AGPAT4: variants seen among roughly 807,000 people sequenced by gnomAD.
The protein encoded by AGPAT4 is 1-acyl-sn-glycerol-3-phosphate acyltransferase delta.
In AGPAT4, 15 loss-of-function variants were observed where a neutral mutation model predicts 48.0. The observed-to-expected ratio is 0.31, with a 90% CI of 0.21 to 0.48. The LOEUF (loss-of-function observed/expected upper bound fraction) is 0.48, where lower values mean the gene tolerates loss of function less well. Among genes scored for constraint, AGPAT4 ranks in the 20% least tolerant of loss-of-function variants. The probability of loss-of-function intolerance (pLI) is 0.99; values close to 1 mark genes in which losing one functional copy is unlikely to be tolerated. For synonymous variants in AGPAT4, 178 were observed against 198.7 expected (o/e 0.90, Z 0.88); for missense variants, 314 against 482.5 (o/e 0.65, Z 3.27).
intron 2 of AGPAT4, among the ~76,000 whole-genome samples, chr6:161,170,449 A>G (rs927698230): frequency 6.8e-6 from 1 of 147,024 alleles, no homozygotes; most frequent in African/African-American, 2.6e-5. Flanking sequence ...ATTTATACAC[A>G]TGCGCGTGCA....
chr6:161,155,025 C>T lies in AGPAT4; in HGVS notation c.349-715G>A, dbSNP rs1224901878. ...GAGATGTGCTCGGTGCCCTCCACAC[C>T]CGCTGCCAGCATGTCCTTGAGGCTG... On this transcript the variant is annotated intron_variant, in intron 3 of 8. Transcript: ENST00000320285. This position sits in a 1 kb window ranked among gnomAD's most constrained non-coding sequence, Gnocchi z 5.8. Among the ~76,000 whole-genome samples the T allele has an allele frequency of 6.6e-6, 1 of 152,218 alleles. No homozygotes were observed. The highest frequency in any genetic ancestry group is 2.4e-5 in the African/African-American group (1 of 41,466).
In AGPAT4 at chr6:161,219,884, CA is replaced by C. The variant is rs1178174630; in HGVS notation, c.178+12151del. On this transcript the variant is annotated intron_variant, in intron 2 of 8. Transcript: ENST00000320285. This position sits in a 1 kb window ranked among gnomAD's most constrained non-coding sequence, Gnocchi z 4.9. ...ATAGATAGATAGATAGGCAGGCAGG[CA>C]GGCAGGCAGGCAGGCAGGCAGGCAG... Among the ~76,000 whole-genome samples the C allele has an allele frequency of 1.1e-4, 14 of 124,476 alleles. No individual in the cohort carries two copies. Among genetic ancestry groups the C allele is most frequent in the African/African-American group, 4.3e-4 (14 of 32,370 alleles). 81.7% of individuals were successfully genotyped at this position (124,476 alleles called of 152,430 possible).
chr6:161,163,672 C>T (rs997405186), intron 3 of AGPAT4, among the ~76,000 whole-genome samples: 1 of 152,240 alleles, frequency 6.6e-6, no homozygotes, highest in African/African-American at 2.4e-5. Flanking sequence ...CACCTGCTCT[C>T]TCTAGCTCCT....
At chr6:161,136,714 C>T in intron 8 of AGPAT4, 80 bp from the exon 9 acceptor site, 1 of 1,234,696 alleles carries the variant, frequency 8.1e-7, no homozygotes, top group Non-Finnish European at 1.2e-6. Flanking sequence ...AGTGAGAAGG[C>T]CCGTGGCCGC....
Position 161,129,985 on chromosome 6 carries a change from T to G in AGPAT4, c.*6555A>C, listed in dbSNP as rs1204130710. On this transcript the variant is annotated 3_prime_UTR_variant, in exon 9 of 9. Coordinates refer to ENST00000320285, the MANE Select transcript of AGPAT4 (RefSeq NM_020133.3). This position sits in a 1 kb window ranked among gnomAD's most constrained non-coding sequence, Gnocchi z 4.4. The stretch of plus-strand genomic sequence containing the variant: ...ACGTGCATTTTTCCAAGTTAAAGTT[T>G]CAGTCAGTTTTATTACATCCAGTCC... 6.6e-6 allele frequency: 1 copy of G among 152,208 alleles called. No individual in the cohort carries two copies. The highest frequency in any genetic ancestry group is 1.5e-5 in the Non-Finnish European group (1 of 68,056). The allele number at this position is 152,208 out of a possible 1,614,324, so 9.4% of individuals were successfully genotyped here. A position where few individuals can be genotyped will look rare whatever the true frequency, so the allele number is the denominator to read the frequency against.
intron 3 of AGPAT4, among the ~76,000 whole-genome samples, chr6:161,163,920 T>C (rs1190669415): frequency 6.6e-6 from 1 of 152,120 alleles, no homozygotes. Flanking sequence ...CTAAGCACAG[T>C]CTCCACCATC....
At chr6:161,265,580 A>C (rs1289490185) in intron 1 of AGPAT4, among the ~76,000 whole-genome samples, 4 of 152,224 alleles carry the variant, frequency 2.6e-5, no homozygotes, top group Non-Finnish European at 5.9e-5. Context: ...TCAAGGAAAC[A>C]GTAATGAAAT....
chr6:161,140,486 G>C lies in AGPAT4; in HGVS notation c.844-866C>G, dbSNP rs995397537. ...CCCTGGGTGAGAACAGGGGACTCAC[G>C]GCCCCACATAAATGCACTGCGAAAG... On this transcript the variant is annotated intron_variant, in intron 7 of 8. Coordinates refer to ENST00000320285, the MANE Select transcript of AGPAT4 (RefSeq NM_020133.3). The surrounding 1 kb of genome is among the most constrained non-coding windows in gnomAD (Gnocchi z 6.5). 6.6e-6 allele frequency among the ~76,000 whole-genome samples: 1 copy of C among 152,226 alleles called. No homozygotes were observed. Among genetic ancestry groups the C allele is most frequent in the Non-Finnish European group, 1.5e-5 (1 of 68,042 alleles).
chr6:161,256,803 C>T (rs183812019), intron 1 of AGPAT4, among the ~76,000 whole-genome samples: 1 of 152,226 alleles, frequency 6.6e-6, no homozygotes, highest in African/African-American at 2.4e-5. Context: ...ATGGGTTCAT[C>T]AGTTTGGCAA....
rs1780450009 is a variant in AGPAT4, at chr6:161,177,102, A to C, written c.179-10685T>G. Among the ~76,000 whole-genome samples the C allele has an allele frequency of 6.6e-6, 1 of 152,126 alleles. No homozygotes were observed. Among genetic ancestry groups the C allele is most frequent in the Non-Finnish European group, 1.5e-5 (1 of 68,016 alleles). On this transcript the variant is annotated intron_variant, in intron 2 of 8. Coordinates refer to ENST00000320285, the MANE Select transcript of AGPAT4 (RefSeq NM_020133.3). The surrounding 1 kb of genome is among the most constrained non-coding windows in gnomAD (Gnocchi z 5.0). ...TTTTCCTTCATTTCAACTTTGGTGA[A>C]TCTGACAATTATGTGTCTTAGAGTT...
chr6:161,149,098 AT>A lies in AGPAT4; in HGVS notation c.767+88del. On this transcript the variant is annotated intron_variant, in intron 6 of 8. Coordinates refer to ENST00000320285, the MANE Select transcript of AGPAT4 (RefSeq NM_020133.3). This position sits in a 1 kb window ranked among gnomAD's most constrained non-coding sequence, Gnocchi z 6.5. ...GCAAAGAAGTCAGTGTGACCCAGGG[AT>A]CCCTGGAAGAAAGTCTCTAGGTCAT... 6.7e-7 allele frequency: 1 copy of A among 1,496,652 alleles called. No homozygotes were observed. The highest frequency in any genetic ancestry group is 8.9e-7 in the Non-Finnish European group (1 of 1,122,062). The allele number at this position is 1,496,652 out of a possible 1,614,324, so 92.7% of individuals were successfully genotyped here.
rs777635861 is a variant in AGPAT4, at chr6:161,200,295, G to A, written c.178+31741C>T. On this transcript the variant is annotated intron_variant, in intron 2 of 8. Coordinates refer to ENST00000320285, the MANE Select transcript of AGPAT4 (RefSeq NM_020133.3). The surrounding 1 kb of genome is among the most constrained non-coding windows in gnomAD (Gnocchi z 5.5). Reference sequence around the variant, plus strand: ...TTGATTACTCATGTAGAAAGCATTCGATAAGTGTTAACTAATATTTCACAT... The same window carrying A: ...TTGATTACTCATGTAGAAAGCATTCAATAAGTGTTAACTAATATTTCACAT... Among the ~76,000 whole-genome samples, 24 of 152,336 alleles carry A rather than the reference G, an allele frequency of 1.6e-4. No homozygotes were observed. The East Asian group carries it at 1.7e-3, about 11-fold the overall frequency.
At chr6:161,273,210 C>T (rs933706224) in intron 1 of AGPAT4, among the ~76,000 whole-genome samples, 1 of 152,126 alleles carries the variant, frequency 6.6e-6, no homozygotes, top group African/African-American at 2.4e-5. Flanking sequence ...ACATAAACAT[C>T]AAAGCATTCT....
At position 161,139,283 on chromosome 6, in the gene AGPAT4, C is replaced by A; in HGVS notation, c.1042+139G>T. On this transcript the variant is annotated intron_variant, in intron 8 of 8. Coordinates refer to ENST00000320285, the MANE Select transcript of AGPAT4 (RefSeq NM_020133.3). This position sits in a 1 kb window ranked among gnomAD's most constrained non-coding sequence, Gnocchi z 9.1. Reference sequence around the variant, plus strand: ...CCTCGCACTCATCCTGAAGTCTAATCTTTCCCTGTGATTGCAAGCTGAGCC... The same window carrying A: ...CCTCGCACTCATCCTGAAGTCTAATATTTCCCTGTGATTGCAAGCTGAGCC... 2.0e-6 allele frequency: 2 copies of A among 1,010,164 alleles called. No homozygotes were observed. The highest frequency in any genetic ancestry group is 1.5e-6 in the Non-Finnish European group (1 of 682,320). 62.6% of individuals were successfully genotyped at this position (1,010,164 alleles called of 1,614,324 possible).
Position 161,134,724 on chromosome 6 carries a change from C to T in AGPAT4, c.*1816G>A, listed in dbSNP as rs1195731584. 6.6e-6 allele frequency: 1 copy of T among 152,150 alleles called. No individual in the cohort carries two copies. Among genetic ancestry groups the T allele is most frequent in the African/African-American group, 2.4e-5 (1 of 41,424 alleles). 9.4% of individuals were successfully genotyped at this position (152,150 alleles called of 1,614,324 possible). On this transcript the variant is annotated 3_prime_UTR_variant, in exon 9 of 9. Transcript: ENST00000320285. The stretch of plus-strand genomic sequence containing the variant: ...AGGCGCAGGTCCACTAGGGCGTGCT[C>T]ACAGACACGCAAGGCTACACACCAT...
chr6:161,210,791 C>A (rs1217443454), intron 2 of AGPAT4, among the ~76,000 whole-genome samples: 3 of 152,172 alleles, frequency 2.0e-5, no homozygotes, highest in African/African-American at 7.2e-5. Context: ...ATAGGGGTTA[C>A]AAAACTATAA....
In AGPAT4 at chr6:161,169,887, A is replaced by G. The variant is rs1200769097; in HGVS notation, c.179-3470T>C. 6.6e-6 allele frequency among the ~76,000 whole-genome samples: 1 copy of G among 152,158 alleles called. No homozygotes were observed. The highest frequency in any genetic ancestry group is 2.4e-5 in the African/African-American group (1 of 41,438). The stretch of plus-strand genomic sequence containing the variant: ...TGCAAGGTGGAAAGGAAATACCACC[A>G]TTTTGTAGGTCACACATGTTTTTGC... On this transcript the variant is annotated intron_variant, in intron 2 of 8. Coordinates refer to ENST00000320285, the MANE Select transcript of AGPAT4 (RefSeq NM_020133.3). The surrounding 1 kb of genome is among the most constrained non-coding windows in gnomAD (Gnocchi z 5.0).
At chr6:161,210,528 T>G (rs1201852583) in intron 2 of AGPAT4, among the ~76,000 whole-genome samples, 1 of 152,194 alleles carries the variant, frequency 6.6e-6, no homozygotes, top group Non-Finnish European at 1.5e-5. Flanking sequence ...AGAGTTCCAA[T>G]TAATTAGTTT....
At chr6:161,191,610 C>A (rs1219235338) in intron 2 of AGPAT4, among the ~76,000 whole-genome samples, 7 of 152,214 alleles carry the variant, frequency 4.6e-5, no homozygotes, top group Admixed American at 4.6e-4. Context: ...CATATTCTTT[C>A]TACCTGTCAT....
Sources: gnomAD v4.1 joint callset for allele counts (sites outside exome capture counted in the v4.1 genomes callset) on GRCh38, gnomAD v4.1.1 for gene constraint, Gnocchi (gnomAD v3.1) non-coding constraint, MANE v1.5 for transcripts, NCBI Gene and HGNC (gene_info 2026-07-23, HGNC 2026-07-21) for gene names.